The following ADARB2 variants were observed in gnomAD, a reference collection of about 807,000 sequenced individuals.
The protein encoded by ADARB2 is adenosine deaminase RNA specific B2 (inactive).
ADARB2 carries 25 observed loss-of-function variants against 62.2 expected under a neutral mutation model. The ratio of observed to expected loss-of-function variants is 0.40; its 90% confidence interval spans 0.29 to 0.56. ADARB2 has a LOEUF of 0.56. Ranked by LOEUF, ADARB2 falls within the 20% of genes least tolerant of loss-of-function variation. The probability of loss-of-function intolerance (pLI) is 0.43; values close to 1 mark genes in which losing one functional copy is unlikely to be tolerated. For missense variants in ADARB2, 1,071 were observed against 1,077.4 expected, an observed-to-expected ratio of 0.99 and a Z score of 0.08; for synonymous variants, 572 against 500.8, an observed-to-expected ratio of 1.14 and a Z score of -1.90.
chr10:1,350,841 C>T (rs1026343810), intron 3 of ADARB2, among the ~76,000 whole-genome samples: 4 of 152,130 alleles, frequency 2.6e-5, no homozygotes, highest in East Asian at 1.9e-4. Context: ...TTGTACACCT[C>T]GCCTTCAAGG....
At chr10:1,563,317 C>G (rs961407969) in intron 1 of ADARB2, among the ~76,000 whole-genome samples, 3 of 152,120 alleles carry the variant, frequency 2.0e-5, no homozygotes, top group Non-Finnish European at 4.4e-5. Context: ...ATCCTCCCCA[C>G]AAGATCTCCC....
intron 3 of ADARB2, among the ~76,000 whole-genome samples, chr10:1,302,337 G>C (rs946822579): frequency 2.8e-5 from 4 of 142,424 alleles, no homozygotes; most frequent in Non-Finnish European, 3.2e-5. Flanking sequence ...AAAAAACGGC[G>C]CACCACGAGA....
chr10:1,206,454 C>G (rs920694394), intron 7 of ADARB2, among the ~76,000 whole-genome samples: 3 of 151,822 alleles, frequency 2.0e-5, no homozygotes, highest in Admixed American at 2.0e-4. Context: ...GGGGCGTCTC[C>G]TCCTCGTGCC....
intron 2 of ADARB2, among the ~76,000 whole-genome samples, chr10:1,378,175 A>T (rs1305374419): frequency 2.0e-5 from 3 of 152,198 alleles, no homozygotes; most frequent in Non-Finnish European, 4.4e-5. Flanking sequence ...TCCTGCAGCC[A>T]CACACTCCTG....
intron 1 of ADARB2, among the ~76,000 whole-genome samples, chr10:1,551,179 C>G (rs1832616311): frequency 6.6e-6 from 1 of 152,248 alleles, no homozygotes; most frequent in East Asian, 1.9e-4. Context: ...TGTGAGGACA[C>G]AGAGAGAAGA....
At chr10:1,476,403 C>T (rs1831401887) in intron 1 of ADARB2, among the ~76,000 whole-genome samples, 1 of 152,178 alleles carries the variant, frequency 6.6e-6, no homozygotes, top group Non-Finnish European at 1.5e-5. Context: ...ACCTGGGGCT[C>T]AGGTGGTTGC....
chr10:1,352,656 G>T (rs1832154789), intron 3 of ADARB2, among the ~76,000 whole-genome samples: 1 of 152,118 alleles, frequency 6.6e-6, no homozygotes, highest in African/African-American at 2.4e-5. Context: ...CTCATTCTCT[G>T]CAGTTCTCAT....
rs377067946 is a variant in ADARB2, at chr10:1,183,141, G to A, written c.*52C>T. ...ACCCGCCACGTCGCCCCCCAGACACGGTCCCATCCCTCCAGCGTCCCGCTC... is the reference window on the plus strand; with the variant it reads ...ACCCGCCACGTCGCCCCCCAGACACAGTCCCATCCCTCCAGCGTCCCGCTC... On this transcript the variant is annotated 3_prime_UTR_variant, in exon 10 of 10. Transcript: ENST00000381312. 2.1e-4 allele frequency: 330 copies of A among 1,580,840 alleles called. No homozygotes were observed. Among genetic ancestry groups the A allele is most frequent in the Non-Finnish European group, 2.6e-4 (304 of 1,158,782 alleles).
chr10:1,306,000 T>A, intron 3 of ADARB2, among the ~76,000 whole-genome samples: 1 of 152,078 alleles, frequency 6.6e-6, no homozygotes. Flanking sequence ...CACAAGACAG[T>A]GAGAGGGATG....
intron 7 of ADARB2, among the ~76,000 whole-genome samples, chr10:1,210,126 T>G (rs61831972): frequency 3.2e-4 from 48 of 152,322 alleles, no homozygotes; most frequent in South Asian, 4.1e-4. Context: ...GGAAGTAATG[T>G]AGCTGTGTTG....
In ADARB2 at chr10:1,296,680, T is replaced by C. The variant is rs146243987; in HGVS notation, c.1078-25611A>G. ...ATTTAGCATCTTTCTATCCACAACATATGTAATGACCCCAAAACTCCTGGG... is the reference window on the plus strand; with the variant it reads ...ATTTAGCATCTTTCTATCCACAACACATGTAATGACCCCAAAACTCCTGGG... On this transcript the variant is annotated intron_variant, in intron 3 of 9. Transcript: ENST00000381312. 4.3e-3 allele frequency among the ~76,000 whole-genome samples: 647 copies of C among 152,210 alleles called. 3 individuals are homozygous for C. The highest frequency in any genetic ancestry group is 7.1e-3 in the Non-Finnish European group (485 of 68,010).
At chr10:1,619,481 C>T (rs191397108) in intron 1 of ADARB2, among the ~76,000 whole-genome samples, 122 of 152,266 alleles carry the variant, frequency 8.0e-4, no homozygotes, top group Non-Finnish European at 1.4e-3. Flanking sequence ...TTTTCAGAGT[C>T]TCGCTCTGTC....
intron 8 of ADARB2, among the ~76,000 whole-genome samples, chr10:1,193,562 G>GCTCTTCAGTCGGCATTA (rs1347727743): frequency 6.6e-6 from 1 of 152,124 alleles, no homozygotes; most frequent in African/African-American, 2.4e-5. Flanking sequence ...GGTTTTCATT[G>GCTCTTCAGTCGGCATTA]CTCTTCAGTC....
chr10:1,304,753 G>A (rs1384059031), intron 3 of ADARB2, among the ~76,000 whole-genome samples: 10 of 147,918 alleles, frequency 6.8e-5, no homozygotes, highest in Non-Finnish European at 1.0e-4. Context: ...CATGGAAACT[G>A]AACAACCTGC....
At chr10:1,735,598 C>A (rs762370756) in intron 1 of ADARB2, among the ~76,000 whole-genome samples, 3 of 152,202 alleles carry the variant, frequency 2.0e-5, no homozygotes, top group Admixed American at 1.3e-4. Flanking sequence ...AATATCAATG[C>A]CACTTTGTGT....
chr10:1,732,347 T>G (rs2119049470), intron 1 of ADARB2, among the ~76,000 whole-genome samples: 1 of 152,012 alleles, frequency 6.6e-6, no homozygotes, highest in African/African-American at 2.4e-5. Flanking sequence ...TTTCTATGTT[T>G]CCTTACGTAA....
chr10:1,272,169 C>A (rs1452790615), intron 3 of ADARB2, among the ~76,000 whole-genome samples: 2 of 152,194 alleles, frequency 1.3e-5, no homozygotes, highest in South Asian at 4.1e-4. Flanking sequence ...CAAATCAATT[C>A]ATCATCTCAT....
intron 5 of ADARB2, among the ~76,000 whole-genome samples, chr10:1,240,807 A>G (rs1245360002): frequency 2.0e-5 from 3 of 152,190 alleles, no homozygotes; most frequent in African/African-American, 7.2e-5. Context: ...AGAGTGAGGG[A>G]TCTTGGTGAT....
intron 1 of ADARB2, among the ~76,000 whole-genome samples, chr10:1,395,365 C>T (rs1391359379): frequency 2.6e-5 from 4 of 152,276 alleles, no homozygotes; most frequent in East Asian, 3.9e-4. Flanking sequence ...TGGGACTCTC[C>T]GACGGTCCTG....
Sources: allele counts gnomAD v4.1 joint callset (sites outside exome capture counted in the v4.1 genomes callset), GRCh38; gene constraint gnomAD v4.1.1; transcripts MANE v1.5; gene names NCBI Gene and HGNC (gene_info 2026-07-23, HGNC 2026-07-21).